Variants in PDE10A observed in about 807,000 individuals in gnomAD.
The protein encoded by PDE10A is phosphodiesterase 10A.
Under a neutral mutation model 97.7 loss-of-function variants are expected in PDE10A, and 39 were observed. That is an observed-to-expected ratio of 0.40 (90% CI 0.31 to 0.52). The LOEUF (loss-of-function observed/expected upper bound fraction) is 0.52. Ranked by LOEUF, PDE10A falls within the 20% of genes least tolerant of loss-of-function variation. The pLI is 0.56. For missense variants in PDE10A, 731 were observed against 1,047.8 expected (o/e 0.70, Z 4.17); for synonymous variants, 371 against 376.8 (o/e 0.98, Z 0.18).
chr6:165,793,221 C>A (rs1278228465), intron 1 of PDE10A, among the ~76,000 whole-genome samples: 1 of 152,102 alleles, frequency 6.6e-6, no homozygotes, highest in Non-Finnish European at 1.5e-5. Context: ...GCCAAACTAC[C>A]ACAAGCCTTC....
chr6:165,542,855 T>C (rs1783533439), intron 2 of PDE10A, among the ~76,000 whole-genome samples: 1 of 151,990 alleles, frequency 6.6e-6, no homozygotes, highest in African/African-American at 2.4e-5. Flanking sequence ...CCTGACCTCG[T>C]GATCCGCCCG....
chr6:165,519,132 A>G (rs1042450649), intron 2 of PDE10A, among the ~76,000 whole-genome samples: 6 of 152,228 alleles, frequency 3.9e-5, no homozygotes, highest in African/African-American at 1.4e-4. Flanking sequence ...GTGGCATTTA[A>G]GAATAAGCTA....
At chr6:165,544,856 T>C (rs536512253) in intron 1 of PDE10A, among the ~76,000 whole-genome samples, 6 of 151,632 alleles carry the variant, frequency 4.0e-5, no homozygotes, top group Admixed American at 6.6e-5. Context: ...CACACACAAA[T>C]AGAGTTGTAT....
chr6:165,576,939 T>C (rs895764029), intron 1 of PDE10A, among the ~76,000 whole-genome samples: 5 of 152,232 alleles, frequency 3.3e-5, no homozygotes, highest in African/African-American at 1.2e-4. Context: ...TCTCCTTCCC[T>C]GAAAGTCATT....
intron 5 of PDE10A, among the ~76,000 whole-genome samples, chr6:165,445,192 CT>C (rs1160855657): frequency 6.6e-6 from 1 of 152,152 alleles, no homozygotes; most frequent in African/African-American, 2.4e-5. Context: ...AGTGTATCTT[CT>C]ATTGCCAGCG....
chr6:165,442,290 C>T (rs1790529777), intron 5 of PDE10A, among the ~76,000 whole-genome samples: 2 of 152,060 alleles, frequency 1.3e-5, no homozygotes, highest in African/African-American at 4.8e-5. Context: ...CTATCCCTCC[C>T]CGCTCCCCCC....
chr6:165,360,301 C>T (rs1427936134), intron 18 of PDE10A, among the ~76,000 whole-genome samples: 3 of 152,144 alleles, frequency 2.0e-5, no homozygotes, highest in East Asian at 1.9e-4. Flanking sequence ...GCCACTGACC[C>T]GTGAGGAGCT....
At position 165,882,045 on chromosome 6, in the gene PDE10A, G is replaced by A. The variant is rs191021225; in HGVS notation, c.-615+105484C>T. 5.6e-4 allele frequency among the ~76,000 whole-genome samples: 85 copies of A among 152,216 alleles called. 2 individuals are homozygous for A. The East Asian group carries it at 0.012, about 21-fold the overall frequency. ...CTCCTCTCATGCATCCTCTCATTTCGTCAGACACCAGTCACGTAGAAATCA... is the reference window on the plus strand; with the variant it reads ...CTCCTCTCATGCATCCTCTCATTTCATCAGACACCAGTCACGTAGAAATCA... On this transcript the variant is annotated intron_variant, in intron 1 of 19. Coordinates refer to the PDE10A transcript ENST00000366882.
chr6:165,868,578 A>G (rs930628943), intron 1 of PDE10A, among the ~76,000 whole-genome samples: 4 of 151,960 alleles, frequency 2.6e-5, no homozygotes, highest in African/African-American at 9.7e-5. Context: ...ATTCTATGAA[A>G]CTTCTAAAGA....
chr6:165,776,487 A>G (rs941610112), intron 1 of PDE10A, among the ~76,000 whole-genome samples: 2 of 152,226 alleles, frequency 1.3e-5, no homozygotes, highest in African/African-American at 4.8e-5. Flanking sequence ...TTTCACTCTA[A>G]TGCCTTACAG....
chr6:165,725,030 T>C (rs542493389), intron 1 of PDE10A, among the ~76,000 whole-genome samples: 78 of 152,320 alleles, frequency 5.1e-4, no homozygotes, highest in Non-Finnish European at 9.6e-4. Context: ...TTCAGAACGA[T>C]GTGGACGCCG....
intron 5 of PDE10A, among the ~76,000 whole-genome samples, chr6:165,444,220 C>T (rs1225272581): frequency 6.6e-6 from 1 of 152,182 alleles, no homozygotes; most frequent in Non-Finnish European, 1.5e-5. Context: ...TTGGAAGTTT[C>T]AAACTTTCCT....
At chr6:165,497,172 A>C (rs1342022005) in intron 2 of PDE10A, among the ~76,000 whole-genome samples, 1 of 152,224 alleles carries the variant, frequency 6.6e-6, no homozygotes, top group African/African-American at 2.4e-5. Context: ...TCTCTGAGAG[A>C]TTATAATGAT....
At chr6:165,900,803 C>A (rs1205523754) in intron 1 of PDE10A, among the ~76,000 whole-genome samples, 1 of 152,228 alleles carries the variant, frequency 6.6e-6, no homozygotes, top group African/African-American at 2.4e-5. Context: ...GCCTTCATAT[C>A]TATCCAACAT....
Position 165,662,047 on chromosome 6 carries a change from G to A in PDE10A, c.765C>T (p.Leu255=), listed in dbSNP as rs1790296416. 1 of 1,473,450 alleles carries A rather than the reference G, an allele frequency of 6.8e-7. No homozygotes were observed. The highest frequency in any genetic ancestry group is 9.0e-7 in the Non-Finnish European group (1 of 1,105,486). The allele number at this position is 1,473,450 out of a possible 1,614,324, so 91.3% of individuals were successfully genotyped here. A position where few individuals can be genotyped will look rare whatever the true frequency, so the allele number is the denominator to read the frequency against. ...PRRPQGASFA[L]AAAAALLFGS... ...CGAAGAGCAGCGCGGCCGCGGCGGC[G>A]AGGGCGAAGCTGGCGCCCTGGGGAC... is the stretch of plus-strand genomic sequence containing the variant. The change falls in exon 1 of 22, where the codon CTC becomes CTT. Residue 255 remains leucine, a synonymous_variant. Coordinates refer to ENST00000539869, the MANE Select transcript of PDE10A (RefSeq NM_001385079.1).
chr6:165,551,409 T>C (rs889292868), intron 1 of PDE10A, among the ~76,000 whole-genome samples: 1 of 152,218 alleles, frequency 6.6e-6, no homozygotes, highest in Non-Finnish European at 1.5e-5. Context: ...GCTCTCTGCA[T>C]ATAAGATACT....
intron 1 of PDE10A, among the ~76,000 whole-genome samples, chr6:165,638,730 C>A (rs551282872): frequency 1.0e-3 from 158 of 152,330 alleles, no homozygotes; most frequent in Non-Finnish European, 1.9e-3. Flanking sequence ...GTCGCCCACA[C>A]AACACCCACA....
chr6:165,968,117 G>A (rs705800), intron 1 of PDE10A, among the ~76,000 whole-genome samples: 1 of 152,178 alleles, frequency 6.6e-6, no homozygotes, highest in Non-Finnish European at 1.5e-5. Context: ...GTGAGTTGGT[G>A]GGTGGCAGTG....
At chr6:165,694,569 C>T (rs972578549) in intron 1 of PDE10A, among the ~76,000 whole-genome samples, 3 of 152,198 alleles carry the variant, frequency 2.0e-5, no homozygotes, top group Admixed American at 6.5e-5. Context: ...GTCGGGAGAC[C>T]GGGACTCCCC....
Sources: gnomAD v4.1 joint callset for allele counts (sites outside exome capture counted in the v4.1 genomes callset) on GRCh38, gnomAD v4.1.1 for gene constraint, MANE v1.5 for transcripts, NCBI Gene and HGNC (gene_info 2026-07-23, HGNC 2026-07-21) for gene names.